The following ZNF503 variants were observed in gnomAD, a reference collection of about 807,000 sequenced individuals.
ZNF503 encodes the protein NocA-like zinc finger 2.
A neutral mutation model predicts 34.4 loss-of-function variants in ZNF503; 15 were observed. The observed-to-expected ratio is 0.44, with a 90% confidence interval of 0.29 to 0.67. The LOEUF (loss-of-function observed/expected upper bound fraction) is 0.67, where lower values mean the gene tolerates loss of function less well. Ranked by LOEUF, ZNF503 falls within the 30% of genes least tolerant of loss-of-function variation. ZNF503 has a pLI of 0.13. For missense variants in ZNF503, 1,007 were observed against 926.8 expected (o/e 1.09, Z -1.12); for synonymous variants, 580 against 456.8 (o/e 1.27, Z -3.44).
At chr10:75,320,114 TAA>T in the ZNF503 span, among the ~76,000 whole-genome samples, 1 of 152,140 alleles carries the variant, frequency 6.6e-6, no homozygotes, top group Non-Finnish European at 1.5e-5. Context: ...TAAAACTAGA[TAA>T]AGAGAGTACA....
At chr10:75,329,567 G>A in the ZNF503 span, among the ~76,000 whole-genome samples, 1 of 152,006 alleles carries the variant, frequency 6.6e-6, no homozygotes, top group South Asian at 2.1e-4. Context: ...CTGCACTCAA[G>A]TGATCCTCCT....
chr10:75,290,796 G>C, the ZNF503 span, among the ~76,000 whole-genome samples: 1 of 152,198 alleles, frequency 6.6e-6, no homozygotes, highest in Non-Finnish European at 1.5e-5. Flanking sequence ...CTGAAAAAGA[G>C]CCCTGAAAGC....
chr10:75,298,911 A>T, the ZNF503 span: 3 of 150,864 alleles, frequency 2.0e-5, no homozygotes. Context: ...GGCATGACCT[A>T]CCATGCTTGG....
At chr10:75,325,284 A>C in the ZNF503 span, among the ~76,000 whole-genome samples, 1 of 151,158 alleles carries the variant, frequency 6.6e-6, no homozygotes, top group African/African-American at 2.4e-5. Flanking sequence ...GTTCTGTTTC[A>C]CTGATCTACA....
the ZNF503 span, among the ~76,000 whole-genome samples, chr10:75,312,550 C>G: frequency 0.76 from 115,362 of 151,978 alleles, 44,451 homozygotes; most frequent in African/African-American, 0.86. Context: ...AGAGAGTGGG[C>G]CTAAAAAAGT....
chr10:75,398,712 T>C lies in ZNF503; in HGVS notation c.*37A>G. On this transcript the variant is annotated 3_prime_UTR_variant, in exon 2 of 2. Coordinates refer to ENST00000372524, the MANE Select transcript of ZNF503 (RefSeq NM_032772.6). ...TCTCCCTGGACTCCTCCCCTCCCCC[T>C]CTCCCTCCTCTCCCTCGCTCGCCCT... The C allele has an allele frequency of 1.5e-6, 2 of 1,348,736 alleles. No individual in the cohort carries two copies. Among genetic ancestry groups the C allele is most frequent in the Non-Finnish European group, 9.5e-7 (1 of 1,055,078 alleles). 83.5% of individuals were successfully genotyped at this position (1,348,736 alleles called of 1,614,324 possible).
the ZNF503 span, among the ~76,000 whole-genome samples, chr10:75,340,178 C>T: frequency 1.3e-5 from 2 of 148,690 alleles, no homozygotes; most frequent in African/African-American, 2.5e-5. Flanking sequence ...GGCGGGGGGT[C>T]GAGGCTGCAG....
the ZNF503 span, among the ~76,000 whole-genome samples, chr10:75,377,738 T>C: frequency 1.3e-5 from 2 of 152,322 alleles, no homozygotes; most frequent in East Asian, 1.9e-4. Flanking sequence ...GGGAATACCA[T>C]TGTGCAATGC....
At chr10:75,311,300 C>G in the ZNF503 span, among the ~76,000 whole-genome samples, 2 of 152,190 alleles carry the variant, frequency 1.3e-5, no homozygotes, top group Non-Finnish European at 2.9e-5. Context: ...TGTGCCCACC[C>G]AGTTTGGGGG....
intron 1 of ZNF503, among the ~76,000 whole-genome samples, chr10:75,400,691 C>T (rs995369425): frequency 1.3e-5 from 2 of 152,196 alleles, no homozygotes; most frequent in Non-Finnish European, 2.9e-5. Context: ...GAACTGTACC[C>T]CCTCCCCACA....
chr10:75,306,671 T>C, the ZNF503 span, among the ~76,000 whole-genome samples: 1 of 152,228 alleles, frequency 6.6e-6, no homozygotes, highest in African/African-American at 2.4e-5. Context: ...AGCAAGCCTA[T>C]CAGAACCATG....
chr10:75,354,765 C>T, the ZNF503 span, among the ~76,000 whole-genome samples: 3 of 152,154 alleles, frequency 2.0e-5, no homozygotes, highest in African/African-American at 4.8e-5. Context: ...AATGAAAGAT[C>T]GCTGCACAGA....
In ZNF503 at chr10:75,401,695, T is replaced by C; in HGVS notation, c.-276A>G. On this transcript the variant is annotated 5_prime_UTR_variant, in exon 1 of 2. Transcript: ENST00000372524. ...TCCGCCTCGGGCTGCTCCCCTGCGC[T>C]GCGTTCTCGCGGCCCCGCGCCGGCG... 1 of 430,062 alleles carries C rather than the reference T, an allele frequency of 2.3e-6. No homozygotes were observed. The allele number at this position is 430,062 out of a possible 1,614,324, so 26.6% of individuals were successfully genotyped here. A position where few individuals can be genotyped will look rare whatever the true frequency, so the allele number is the denominator to read the frequency against.
chr10:75,353,743 T>G, the ZNF503 span, among the ~76,000 whole-genome samples: 1 of 152,184 alleles, frequency 6.6e-6, no homozygotes, highest in Non-Finnish European at 1.5e-5. Flanking sequence ...CATCCTCACT[T>G]CAGCATGAGC....
At position 75,401,239 on chromosome 10, in the gene ZNF503, G is replaced by C; in HGVS notation, c.181C>G (p.Pro61Ala). ...GCCTGGCGCAGGGGGTCAGAGGGGGGCACGGCGTGCACAAAAGGCTTGGTG... is the reference window on the plus strand; with the variant it reads ...GCCTGGCGCAGGGGGTCAGAGGGGGCCACGGCGTGCACAAAAGGCTTGGTG... ...GSTKPFVHAV[P>A]PSDPLRQANR... is the part of the protein sequence containing the mutation. Residue 61 changes from proline to alanine, a missense_variant, in exon 1 of 2, where the codon CCC (proline) becomes GCC (alanine). By Grantham distance (27) the Pro-to-Ala change is conservative. Coordinates refer to ENST00000372524, the MANE Select transcript of ZNF503 (RefSeq NM_032772.6). The C allele has an allele frequency of 8.1e-6, 13 of 1,606,582 alleles. No homozygotes were observed. The highest frequency in any genetic ancestry group is 1.1e-5 in the South Asian group (1 of 90,034).
At chr10:75,302,644 C>T in the ZNF503 span, among the ~76,000 whole-genome samples, 5 of 152,212 alleles carry the variant, frequency 3.3e-5, no homozygotes, top group Admixed American at 3.3e-4. Context: ...TCTCCTGTGG[C>T]TTAAATTTTA....
At chr10:75,310,208 T>C in the ZNF503 span, among the ~76,000 whole-genome samples, 2 of 152,202 alleles carry the variant, frequency 1.3e-5, no homozygotes, top group African/African-American at 2.4e-5. Context: ...ATGGTCATTA[T>C]ATATAAACAA....
chr10:75,362,785 C>T, the ZNF503 span, among the ~76,000 whole-genome samples: 1 of 152,070 alleles, frequency 6.6e-6, no homozygotes, highest in Non-Finnish European at 1.5e-5. Flanking sequence ...CATCAGAAGA[C>T]ATTAGAGTCA....
the ZNF503 span, among the ~76,000 whole-genome samples, chr10:75,308,263 G>T: frequency 7.1e-6 from 1 of 139,902 alleles, no homozygotes; most frequent in Non-Finnish European, 1.5e-5. Context: ...TCTGTTTACA[G>T]CATAGTTTAC....
Sources: allele counts gnomAD v4.1 joint callset (sites outside exome capture counted in the v4.1 genomes callset), GRCh38; gene constraint gnomAD v4.1.1; transcripts MANE v1.5; gene names NCBI Gene and HGNC (gene_info 2026-07-23, HGNC 2026-07-21).